FAM171A1: variants seen among roughly 807,000 people sequenced by gnomAD.
The protein encoded by FAM171A1 is protein FAM171A1.
FAM171A1 carries 23 observed loss-of-function variants against 74.9 expected under a neutral mutation model. The observed-to-expected ratio is 0.31, with a 90% CI of 0.22 to 0.44. FAM171A1 has a LOEUF of 0.44. FAM171A1 is among the 20% of genes least tolerant of loss of function. The pLI, the probability that FAM171A1 is intolerant of heterozygous loss-of-function variation, is 1.00. For synonymous variants in FAM171A1, 527 were observed against 505.7 expected, an observed-to-expected ratio of 1.04 and a Z score of -0.57; for missense variants, 1,162 against 1,159.2, an observed-to-expected ratio of 1.00 and a Z score of -0.03.
intron 1 of FAM171A1, among the ~76,000 whole-genome samples, chr10:15,324,157 A>G (rs1055426691): frequency 6.6e-6 from 1 of 152,186 alleles, no homozygotes; most frequent in Non-Finnish European, 1.5e-5. Context: ...ATGGAAATTA[A>G]CATTCAGAAT....
chr10:15,254,985 C>T, intron 3 of FAM171A1, 106 bp from the exon 4 acceptor site: 1 of 995,946 alleles, frequency 1.0e-6, no homozygotes, highest in Non-Finnish European at 1.5e-6. Flanking sequence ...CCTCCCCCAC[C>T]CTGCTCCCTC....
At chr10:15,255,657 T>C (rs1588515105) in intron 3 of FAM171A1, among the ~76,000 whole-genome samples, 1 of 151,542 alleles carries the variant, frequency 6.6e-6, no homozygotes, top group East Asian at 1.9e-4. Flanking sequence ...TCTTCTTCTT[T>C]TTTTTTTTTG....
chr10:15,335,479 T>C (rs1835690115), intron 1 of FAM171A1, among the ~76,000 whole-genome samples: 1 of 152,152 alleles, frequency 6.6e-6, no homozygotes, highest in Non-Finnish European at 1.5e-5. Flanking sequence ...TGGTATTAAA[T>C]AACCACAATC....
At chr10:15,226,906 T>C (rs964913423) in intron 5 of FAM171A1, among the ~76,000 whole-genome samples, 23 of 152,056 alleles carry the variant, frequency 1.5e-4, no homozygotes, top group African/African-American at 5.6e-4. Flanking sequence ...AGCTGTATGC[T>C]ATTGGGAAAC....
At chr10:15,228,579 A>G (rs1834140152) in intron 5 of FAM171A1, among the ~76,000 whole-genome samples, 1 of 152,162 alleles carries the variant, frequency 6.6e-6, no homozygotes, top group African/African-American at 2.4e-5. Flanking sequence ...CCTGGGCTCA[A>G]GTGATCCTCC....
At chr10:15,326,123 C>A (rs1270841669) in intron 1 of FAM171A1, among the ~76,000 whole-genome samples, 4 of 152,146 alleles carry the variant, frequency 2.6e-5, no homozygotes, top group Non-Finnish European at 5.9e-5. Context: ...AGTTTAGATT[C>A]TTCTATTTTA....
At chr10:15,277,294 T>C (rs1054531884) in intron 2 of FAM171A1, among the ~76,000 whole-genome samples, 1 of 152,184 alleles carries the variant, frequency 6.6e-6, no homozygotes, top group Non-Finnish European at 1.5e-5. Context: ...CTTGGCTCAC[T>C]GCAACCTCCG....
intron 5 of FAM171A1, among the ~76,000 whole-genome samples, chr10:15,232,564 A>G (rs1329364023): frequency 2.0e-5 from 3 of 152,224 alleles, no homozygotes; most frequent in Admixed American, 2.0e-4. Context: ...AGCCAGGAAT[A>G]GAATTCCATG....
intron 4 of FAM171A1, among the ~76,000 whole-genome samples, chr10:15,254,031 C>T (rs1285888123): frequency 1.3e-5 from 2 of 152,222 alleles, no homozygotes; most frequent in Non-Finnish European, 2.9e-5. Flanking sequence ...ACCCAGCTGA[C>T]TTAGAGACCT....
intron 1 of FAM171A1, among the ~76,000 whole-genome samples, chr10:15,357,615 G>T (rs75349587): frequency 1.1e-4 from 16 of 152,204 alleles, no homozygotes; most frequent in African/African-American, 3.9e-4. Context: ...TCCCTAAGAG[G>T]AAAAATAAGC....
intron 5 of FAM171A1, among the ~76,000 whole-genome samples, chr10:15,232,343 T>A (rs1266141260): frequency 1.3e-5 from 2 of 152,154 alleles, no homozygotes; most frequent in Non-Finnish European, 2.9e-5. Flanking sequence ...TCACTCTGCT[T>A]AATTGTTTCT....
intron 3 of FAM171A1, among the ~76,000 whole-genome samples, chr10:15,269,117 T>C (rs933655024): frequency 1.3e-5 from 2 of 152,100 alleles, no homozygotes; most frequent in African/African-American, 4.8e-5. Context: ...TATTTATTTA[T>C]TTATTCACTT....
At chr10:15,338,764 A>C (rs1835731368) in intron 1 of FAM171A1, among the ~76,000 whole-genome samples, 1 of 152,010 alleles carries the variant, frequency 6.6e-6, no homozygotes, top group Non-Finnish European at 1.5e-5. Context: ...TTATTTTTTG[A>C]GACAGTCTCT....
intron 5 of FAM171A1, among the ~76,000 whole-genome samples, chr10:15,224,169 G>A (rs1834075405): frequency 6.6e-6 from 1 of 152,132 alleles, no homozygotes; most frequent in African/African-American, 2.4e-5. Context: ...ACAGGCAGGG[G>A]TTGTCAGTGA....
At position 15,257,788 on chromosome 10, in the gene FAM171A1, G is replaced by A. The variant is rs1043112497; in HGVS notation, c.419-2909C>T. On this transcript the variant is annotated intron_variant, in intron 3 of 7. Coordinates refer to ENST00000378116, the MANE Select transcript of FAM171A1 (RefSeq NM_001010924.2). ...GAAGCAGCACGTGAGGAATTTAAGG[G>A]TGCAAGCTATTCTGAGCCACAGCAC... 2.0e-5 allele frequency among the ~76,000 whole-genome samples: 3 copies of A among 152,178 alleles called. 1 individual carries two copies. The highest frequency in any genetic ancestry group is 7.2e-5 in the African/African-American group (3 of 41,438).
At chr10:15,236,917 C>T (rs1314277140) in intron 5 of FAM171A1, among the ~76,000 whole-genome samples, 1 of 151,932 alleles carries the variant, frequency 6.6e-6, no homozygotes, top group East Asian at 1.9e-4. Flanking sequence ...CATGGTGATA[C>T]CCCCATCTCC....
chr10:15,281,913 C>A (rs1048678521), intron 2 of FAM171A1, among the ~76,000 whole-genome samples: 1 of 152,058 alleles, frequency 6.6e-6, no homozygotes, highest in African/African-American at 2.4e-5. Context: ...TCTCAAATGA[C>A]CATGTTAACA....
intron 5 of FAM171A1, among the ~76,000 whole-genome samples, chr10:15,246,106 C>T (rs1021492578): frequency 6.6e-6 from 1 of 152,090 alleles, no homozygotes; most frequent in African/African-American, 2.4e-5. Context: ...TCACAGAGAA[C>T]ACACACCATC....
chr10:15,333,595 G>A (rs1256290163), intron 1 of FAM171A1, among the ~76,000 whole-genome samples: 2 of 152,186 alleles, frequency 1.3e-5, no homozygotes, highest in African/African-American at 4.8e-5. Context: ...TTGGGAGGCT[G>A]AGTCGGGAGG....
Sources: allele counts gnomAD v4.1 joint callset (sites outside exome capture counted in the v4.1 genomes callset), GRCh38; gene constraint gnomAD v4.1.1; transcripts MANE v1.5; gene names NCBI Gene and HGNC (gene_info 2026-07-23, HGNC 2026-07-21).